EPHA6: variants seen among roughly 807,000 people sequenced by gnomAD.
EPHA6 encodes ephrin type-A receptor 6.
Under a neutral mutation model 112.0 loss-of-function variants are expected in EPHA6, and 50 were observed. The ratio of observed to expected loss-of-function variants is 0.45; its 90% confidence interval spans 0.36 to 0.56. The LOEUF is 0.56. Ranked by LOEUF, EPHA6 falls within the 20% of genes least tolerant of loss-of-function variation. EPHA6 has a pLI of 0.00. For synonymous variants in EPHA6, 529 were observed against 490.7 expected (o/e 1.08, Z -1.03); for missense variants, 1,280 against 1,417.4 (o/e 0.90, Z 1.56).
intron 10 of EPHA6, among the ~76,000 whole-genome samples, chr3:97,498,165 C>T (rs1236003357): frequency 1.3e-5 from 2 of 151,952 alleles, no homozygotes; most frequent in Non-Finnish European, 2.9e-5. Context: ...ATTAAATAAC[C>T]CTTCTTTACC....
intron 5 of EPHA6, among the ~76,000 whole-genome samples, chr3:97,387,812 A>T (rs2086158498): frequency 6.6e-6 from 1 of 152,176 alleles, no homozygotes; most frequent in South Asian, 2.1e-4. Flanking sequence ...CATACCTGAG[A>T]TTAGGTAATT....
At chr3:97,236,654 A>G (rs1370409749) in intron 4 of EPHA6, among the ~76,000 whole-genome samples, 1 of 152,126 alleles carries the variant, frequency 6.6e-6, no homozygotes, top group East Asian at 1.9e-4. Context: ...TTCATTCTTA[A>G]TACACAGGCA....
At chr3:97,098,767 C>T (rs2047319461) in intron 3 of EPHA6, among the ~76,000 whole-genome samples, 2 of 151,766 alleles carry the variant, frequency 1.3e-5, no homozygotes, top group Non-Finnish European at 2.9e-5. Context: ...CTACAATCCA[C>T]TATGTCAATC....
At chr3:97,020,328 G>A (rs78890953) in intron 3 of EPHA6, among the ~76,000 whole-genome samples, 5,228 of 152,246 alleles carry the variant, frequency 0.034, 310 homozygotes, top group African/African-American at 0.12. Context: ...ATAATAAGAT[G>A]AATAATGCAT....
intron 13 of EPHA6, among the ~76,000 whole-genome samples, chr3:97,636,137 C>T (rs1344219311): frequency 6.6e-6 from 1 of 151,648 alleles, no homozygotes; most frequent in African/African-American, 2.4e-5. Flanking sequence ...AACAGACACT[C>T]GAGTTTTCAG....
intron 10 of EPHA6, among the ~76,000 whole-genome samples, chr3:97,509,154 G>A (rs115538881): frequency 0.036 from 5,476 of 151,332 alleles, 128 homozygotes; most frequent in Middle Eastern, 0.073. Context: ...GCCTGTCTGC[G>A]TCTTTTAATT....
At chr3:97,493,810 A>C (rs866056428) in intron 10 of EPHA6, among the ~76,000 whole-genome samples, 4 of 152,198 alleles carry the variant, frequency 2.6e-5, no homozygotes, top group South Asian at 2.1e-4. Context: ...CTTAGAGCTG[A>C]GTTTAGGCTG....
chr3:97,290,488 C>T (rs766068288), intron 5 of EPHA6, among the ~76,000 whole-genome samples: 9 of 152,196 alleles, frequency 5.9e-5, no homozygotes, highest in Admixed American at 3.3e-4. Flanking sequence ...TCCAGAATTT[C>T]GTTAGTTTTC....
At chr3:97,076,290 A>G (rs1267908711) in intron 3 of EPHA6, among the ~76,000 whole-genome samples, 1 of 152,188 alleles carries the variant, frequency 6.6e-6, no homozygotes, top group Non-Finnish European at 1.5e-5. Flanking sequence ...ATAAGAAAGC[A>G]AAACAGCCTT....
intron 6 of EPHA6, among the ~76,000 whole-genome samples, chr3:97,446,328 C>G (rs144706976): frequency 2.6e-5 from 4 of 152,050 alleles, no homozygotes; most frequent in African/African-American, 7.2e-5. Context: ...AAGTACACTT[C>G]CTACTGTTTG....
chr3:97,054,419 A>G lies in EPHA6; in HGVS notation c.1114+66426A>G, dbSNP rs1439389383. Among the ~76,000 whole-genome samples, 3 of 152,132 alleles carry G rather than the reference A, an allele frequency of 2.0e-5. No homozygotes were observed. The East Asian group carries it at 5.8e-4, about 29-fold the overall frequency. Reference sequence around the variant, plus strand: ...AAAATGAATATTAGTTATTAGAGAAAAGAAGGTGGAGTTGTCACTTGTGAA... The same window carrying G: ...AAAATGAATATTAGTTATTAGAGAAGAGAAGGTGGAGTTGTCACTTGTGAA... On this transcript the variant is annotated intron_variant, in intron 3 of 17. Transcript: ENST00000389672.
At chr3:97,635,296 C>A (rs972428586) in intron 13 of EPHA6, among the ~76,000 whole-genome samples, 5 of 151,854 alleles carry the variant, frequency 3.3e-5, no homozygotes, top group Admixed American at 6.6e-5. Flanking sequence ...TTATTAGAAC[C>A]GTTATTACCA....
intron 3 of EPHA6, among the ~76,000 whole-genome samples, chr3:97,206,897 T>G (rs181059802): frequency 6.6e-6 from 1 of 152,250 alleles, no homozygotes; most frequent in African/African-American, 2.4e-5. Flanking sequence ...TTGCAATAAC[T>G]GTTATTTTTA....
chr3:97,269,186 A>G (rs2079799069), intron 5 of EPHA6, among the ~76,000 whole-genome samples: 1 of 152,178 alleles, frequency 6.6e-6, no homozygotes, highest in Admixed American at 6.5e-5. Context: ...TTCACAAGCT[A>G]AGTATTGCGG....
chr3:97,754,681 A>G lies in EPHA6; in HGVS notation c.*5980A>G, dbSNP rs765495898. On this transcript the variant is annotated 3_prime_UTR_variant, in exon 18 of 18. Transcript: ENST00000389672. ...GTGATTTTTGCACTGTCCCATTGAA[A>G]GCAAAGTTTCCTTTATTTATTTATT... 1.2e-4 allele frequency among the ~76,000 whole-genome samples: 18 copies of G among 152,188 alleles called. No homozygotes were observed. Among genetic ancestry groups the G allele is most frequent in the Non-Finnish European group, 1.8e-4 (12 of 68,020 alleles).
intron 2 of EPHA6, among the ~76,000 whole-genome samples, chr3:96,950,087 C>G (rs1256315750): frequency 1.3e-5 from 2 of 152,102 alleles, no homozygotes; most frequent in Non-Finnish European, 2.9e-5. Context: ...TTGTCATTAT[C>G]TCAAATTACT....
chr3:96,871,442 C>G (rs936097346), intron 2 of EPHA6, among the ~76,000 whole-genome samples: 2 of 151,866 alleles, frequency 1.3e-5, no homozygotes, highest in African/African-American at 4.8e-5. Flanking sequence ...AATGAAAAAT[C>G]CAGACTTCTA....
At chr3:97,065,463 T>C (rs900167186) in intron 3 of EPHA6, among the ~76,000 whole-genome samples, 3 of 152,150 alleles carry the variant, frequency 2.0e-5, no homozygotes, top group Admixed American at 6.5e-5. Flanking sequence ...AAGATGCACT[T>C]ACTCTTCAAA....
chr3:97,474,644 A>G (rs2091319346), intron 7 of EPHA6, among the ~76,000 whole-genome samples: 1 of 152,036 alleles, frequency 6.6e-6, no homozygotes. Flanking sequence ...AATTTAAATG[A>G]TATATGTTAA....
Sources: allele counts gnomAD v4.1 joint callset (sites outside exome capture counted in the v4.1 genomes callset), GRCh38; gene constraint gnomAD v4.1.1; transcripts MANE v1.5; gene names NCBI Gene and HGNC (gene_info 2026-07-23, HGNC 2026-07-21).